The following MEGF9 variants were observed in gnomAD, a reference collection of about 807,000 sequenced individuals.
MEGF9 encodes multiple epidermal growth factor-like domains protein 9.
In MEGF9, 6 loss-of-function variants were observed where a neutral mutation model predicts 46.8. That is an observed-to-expected ratio of 0.13 (90% CI 0.07 to 0.25). The LOEUF (loss-of-function observed/expected upper bound fraction) is 0.25, where lower values mean the gene tolerates loss of function less well. Among genes scored for constraint, MEGF9 ranks in the 10% least tolerant of loss-of-function variants. The pLI, the probability that MEGF9 is intolerant of heterozygous loss-of-function variation, is 1.00. For synonymous variants in MEGF9, 302 were observed against 330.7 expected (o/e 0.91, Z 0.94); for missense variants, 683 against 792.4 (o/e 0.86, Z 1.66).
intron 3 of MEGF9, among the ~76,000 whole-genome samples, chr9:120,615,758 G>A (rs539243213): frequency 7.9e-5 from 12 of 152,104 alleles, no homozygotes; most frequent in Admixed American, 2.6e-4. Context: ...AGCTGGGTGC[G>A]GTGGTGCATG....
Position 120,714,316 on chromosome 9 carries a change from G to A in MEGF9, c.43C>T (p.Leu15=). 7.5e-7 allele frequency: 1 copy of A among 1,326,484 alleles called. No homozygotes were observed. 82.2% of individuals were successfully genotyped at this position (1,326,484 alleles called of 1,614,324 possible). A position where few individuals can be genotyped will look rare whatever the true frequency, so the allele number is the denominator to read the frequency against. The part of the protein sequence containing the change: ...AERAMRSLPS[L]GGLALLCCAA... ...CAGCACAACAGGGCGAGGCCGCCCA[G>A]GCTCGGCAGGCTCCTCATGGCGCGC... Residue 15 remains leucine, a synonymous_variant, in exon 1 of 6, where the codon CTG becomes TTG. Transcript: ENST00000373930.
At chr9:120,611,861 A>AGAGAG (rs1554794248) in intron 4 of MEGF9, among the ~76,000 whole-genome samples, 7 of 121,368 alleles carry the variant, frequency 5.8e-5, no homozygotes, top group African/African-American at 2.4e-4. Context: ...GGAAGGAAGG[A>AGAGAG]AGAAAGAGAG....
intron 1 of MEGF9, among the ~76,000 whole-genome samples, chr9:120,712,971 T>G (rs2043960193): frequency 6.6e-6 from 1 of 152,190 alleles, no homozygotes; most frequent in Non-Finnish European, 1.5e-5. Context: ...AATTGGCATA[T>G]ATCAGCATCA....
intron 2 of MEGF9, among the ~76,000 whole-genome samples, chr9:120,650,043 G>T (rs1041148628): frequency 6.6e-6 from 1 of 152,252 alleles, no homozygotes; most frequent in East Asian, 1.9e-4. Context: ...GAGTCGGGTG[G>T]ATCACAAGGT....
intron 2 of MEGF9, among the ~76,000 whole-genome samples, chr9:120,654,399 T>C (rs2043667104): frequency 6.6e-6 from 1 of 152,132 alleles, no homozygotes; most frequent in African/African-American, 2.4e-5. Flanking sequence ...GTATGGAATA[T>C]ATCATGATGG....
At chr9:120,615,875 T>C (rs1022190950) in intron 3 of MEGF9, among the ~76,000 whole-genome samples, 9 of 151,662 alleles carry the variant, frequency 5.9e-5, no homozygotes, top group Admixed American at 3.9e-4. Flanking sequence ...GCCCGGGAAA[T>C]AGAGCGAGAC....
intron 2 of MEGF9, among the ~76,000 whole-genome samples, chr9:120,650,135 G>A (rs1292710758): frequency 2.0e-5 from 3 of 152,182 alleles, no homozygotes; most frequent in Non-Finnish European, 4.4e-5. Context: ...CGGGCGTGGT[G>A]GCGGGTGCCC....
Position 120,713,772 on chromosome 9 carries a change from G to A in MEGF9, c.587C>T (p.Ser196Phe), listed in dbSNP as rs2132349732. 1 of 1,293,502 alleles carries A rather than the reference G, an allele frequency of 7.7e-7. No homozygotes were observed. The highest frequency in any genetic ancestry group is 2.8e-5 in the East Asian group (1 of 35,492). The allele number at this position is 1,293,502 out of a possible 1,614,324, so 80.1% of individuals were successfully genotyped here. Residue 196 changes from serine to phenylalanine, a missense_variant, in exon 1 of 6, where the codon TCT (serine) becomes TTT (phenylalanine). Ser to Phe is a radical substitution (Grantham distance 155). Transcript: ENST00000373930. The part of the protein sequence containing the change: ...LPTPPATEAP[S>F]SPPPEYVCNC... ...GCCGGACTCACCTGGAGGAGGCGAA[G>A]AGGGGGCCTCGGTGGCAGGTGGGGT...
chr9:120,708,950 G>A (rs1353334208), intron 1 of MEGF9, among the ~76,000 whole-genome samples: 2 of 152,174 alleles, frequency 1.3e-5, no homozygotes, highest in African/African-American at 2.4e-5. Flanking sequence ...TGGGCTCAAT[G>A]AGTCAACAAC....
chr9:120,658,527 C>T (rs1474176152), intron 2 of MEGF9, among the ~76,000 whole-genome samples: 1 of 152,158 alleles, frequency 6.6e-6, no homozygotes, highest in East Asian at 1.9e-4. Context: ...ATTTAATCTT[C>T]ACAACAACCT....
At chr9:120,632,187 G>T (rs1478353705) in intron 2 of MEGF9, among the ~76,000 whole-genome samples, 3 of 151,964 alleles carry the variant, frequency 2.0e-5, no homozygotes, top group Non-Finnish European at 2.9e-5. Flanking sequence ...GGCCTCCCAA[G>T]AACCCAGACC....
intron 3 of MEGF9, among the ~76,000 whole-genome samples, chr9:120,614,916 T>C (rs1030969861): frequency 2.6e-5 from 4 of 152,028 alleles, no homozygotes; most frequent in Non-Finnish European, 5.9e-5. Context: ...ACCCTTTATA[T>C]ACATATATAC....
Position 120,714,343 on chromosome 9 carries a change from C to T in MEGF9, c.16G>A (p.Glu6Lys). MNGGAERAMRSLPSLG... is the reference protein window; with the variant it reads MNGGAKRAMRSLPSLG... Reference sequence around the variant, plus strand: ...CTCGGCAGGCTCCTCATGGCGCGCTCGGCTCCGCCATTCATTCATTCAGCC... The same window carrying T: ...CTCGGCAGGCTCCTCATGGCGCGCTTGGCTCCGCCATTCATTCATTCAGCC... Residue 6 changes from glutamate to lysine, a missense_variant, in exon 1 of 6, where the codon GAG (glutamate) becomes AAG (lysine). Transcript: ENST00000373930. 1 of 1,347,550 alleles carries T rather than the reference C, an allele frequency of 7.4e-7. No individual in the cohort carries two copies. The highest frequency in any genetic ancestry group is 9.5e-7 in the Non-Finnish European group (1 of 1,048,104). The allele number at this position is 1,347,550 out of a possible 1,614,324, so 83.5% of individuals were successfully genotyped here.
At chr9:120,707,447 A>T (rs1398578268) in intron 1 of MEGF9, among the ~76,000 whole-genome samples, 2 of 152,238 alleles carry the variant, frequency 1.3e-5, no homozygotes, top group Non-Finnish European at 2.9e-5. Flanking sequence ...AGTTTGCTGC[A>T]GATATCTTAA....
At chr9:120,688,167 A>ACACACACG (rs1554798965) in intron 1 of MEGF9, among the ~76,000 whole-genome samples, 2 of 141,958 alleles carry the variant, frequency 1.4e-5, no homozygotes, top group African/African-American at 5.9e-5. Flanking sequence ...ACACACACAC[A>ACACACACG]CACGCACGCA....
rs532461620 is a variant in MEGF9, at chr9:120,634,884, C to T, written c.804-12129G>A. Among the ~76,000 whole-genome samples the T allele has an allele frequency of 6.6e-5, 10 of 152,152 alleles. No homozygotes were observed. The East Asian group carries it at 1.5e-3, about 24-fold the overall frequency. ...TAAGGTTTGATTCTCTTCTCTTTCT[C>T]CTTTGTCCATCTTTTCTAACAGTGA... is the stretch of plus-strand genomic sequence containing the variant. On this transcript the variant is annotated intron_variant, in intron 2 of 5. Transcript: ENST00000373930.
At chr9:120,669,917 G>A (rs912334772) in intron 1 of MEGF9, among the ~76,000 whole-genome samples, 3 of 152,056 alleles carry the variant, frequency 2.0e-5, no homozygotes, top group African/African-American at 7.2e-5. Context: ...AATTAGAGTT[G>A]GTTAAACTAC....
At chr9:120,691,504 A>G (rs748033345) in intron 1 of MEGF9, 2 of 383,476 alleles carry the variant, frequency 5.2e-6, no homozygotes, top group African/African-American at 4.4e-5. Context: ...TCAAATATGC[A>G]CACTAGGCAA....
intron 3 of MEGF9, among the ~76,000 whole-genome samples, chr9:120,617,875 T>C (rs2043479152): frequency 6.6e-6 from 1 of 152,224 alleles, no homozygotes; most frequent in Non-Finnish European, 1.5e-5. Flanking sequence ...ATGAGCTGGA[T>C]ATTTGCAGTA....
Sources: allele counts gnomAD v4.1 joint callset (sites outside exome capture counted in the v4.1 genomes callset), GRCh38; gene constraint gnomAD v4.1.1; transcripts MANE v1.5; gene names NCBI Gene and HGNC (gene_info 2026-07-23, HGNC 2026-07-21).